The following COL5A1 variants were observed in gnomAD, a reference collection of about 807,000 sequenced individuals.
The protein encoded by COL5A1 is collagen type V alpha 1 chain.
In COL5A1, 16 loss-of-function variants were observed where a neutral mutation model predicts 263.7. The observed-to-expected ratio is 0.06, with a 90% confidence interval of 0.04 to 0.09. The LOEUF is 0.09. Among genes scored for constraint, COL5A1 ranks in the 10% least tolerant of loss-of-function variants. The pLI, the probability that COL5A1 is intolerant of heterozygous loss-of-function variation, is 1.00. For missense variants in COL5A1, 2,036 were observed against 2,540.5 expected (o/e 0.80, Z 4.27); for synonymous variants, 1,012 against 1,004.5 (o/e 1.01, Z -0.14).
intron 64 of COL5A1, among the ~76,000 whole-genome samples, chr9:134,834,678 T>C (rs762494749): frequency 1.7e-4 from 26 of 152,120 alleles, no homozygotes; most frequent in Non-Finnish European, 3.1e-4. Flanking sequence ...CTGGGTAGGC[T>C]TCCTGGAGGA....
chr9:134,653,978 AAGTGTATAGGG>A (rs1564367164), intron 1 of COL5A1, among the ~76,000 whole-genome samples: 2 of 77,408 alleles, frequency 2.6e-5, no homozygotes, highest in Admixed American at 1.4e-4. Context: ...GTAGGGCTGG[AAGTGTATAGGG>A]CTGGTGTGTG....
chr9:134,801,047 A>G (rs1335838832), intron 37 of COL5A1, among the ~76,000 whole-genome samples: 3 of 152,214 alleles, frequency 2.0e-5, no homozygotes, highest in Non-Finnish European at 2.9e-5. Flanking sequence ...CTGGAAAAGA[A>G]GCTTATGTTG....
At chr9:134,697,945 G>A (rs901064538) in intron 2 of COL5A1, among the ~76,000 whole-genome samples, 1 of 152,276 alleles carries the variant, frequency 6.6e-6, no homozygotes, top group African/African-American at 2.4e-5. Context: ...TTAATCAGGC[G>A]TGGTGGTGTG....
intron 36 of COL5A1, 75 bp downstream of exon 36, chr9:134,796,976 C>T: frequency 1.4e-6 from 2 of 1,385,482 alleles, no homozygotes; most frequent in Non-Finnish European, 1.0e-6. Flanking sequence ...CAAAACCCGC[C>T]TGTTTTCTCT....
intron 32 of COL5A1, among the ~76,000 whole-genome samples, chr9:134,793,209 G>A (rs1205206450): frequency 6.6e-6 from 1 of 151,872 alleles, no homozygotes; most frequent in Non-Finnish European, 1.5e-5. Context: ...AGATGCACCT[G>A]CCCGAAAGTG....
chr9:134,693,475 G>C (rs1433753976), intron 2 of COL5A1, among the ~76,000 whole-genome samples: 1 of 152,108 alleles, frequency 6.6e-6, no homozygotes, highest in Non-Finnish European at 1.5e-5. Flanking sequence ...AGCTTACAGA[G>C]TAGAGTGGGT....
At chr9:134,706,152 C>T (rs4461973) in intron 4 of COL5A1, among the ~76,000 whole-genome samples, 74,678 of 151,996 alleles carry the variant, frequency 0.49, 18,716 homozygotes, top group Admixed American at 0.63. Flanking sequence ...GCGAGTATGC[C>T]GGAGCTGCCT....
intron 18 of COL5A1, among the ~76,000 whole-genome samples, chr9:134,760,887 A>G (rs376463975): frequency 7.3e-4 from 104 of 143,394 alleles, no homozygotes; most frequent in Middle Eastern, 4.1e-3. Context: ...ACGCATACAT[A>G]CCCACACACG....
Position 134,730,355 on chromosome 9 carries a change from G to A in COL5A1, c.1044G>A (p.Thr348=), listed in dbSNP as rs1246095864. The A allele has an allele frequency of 7.4e-6, 12 of 1,614,102 alleles. No individual in the cohort carries two copies. Among genetic ancestry groups the A allele is most frequent in the East Asian group, 2.2e-5 (1 of 44,894 alleles). The change falls in exon 7 of 66, where the codon ACG becomes ACA. Residue 348 remains threonine, a synonymous_variant. Coordinates refer to ENST00000371817, the MANE Select transcript of COL5A1 (RefSeq NM_000093.5). ...ACGTGCCCAGTGAGGACTACTACAC[G>A]CCCTCACCGTATGATGACCTCACCT... The part of the protein sequence containing the change: ...YDYVPSEDYY[T]PSPYDDLTYG...
chr9:134,752,771 C>T (rs1835831316), intron 14 of COL5A1, 126 bp downstream of exon 14: 9 of 744,232 alleles, frequency 1.2e-5, no homozygotes, highest in African/African-American at 3.4e-5. Flanking sequence ...GGTCCAGTGC[C>T]TGTTCCCAGG....
rs564375308 is a variant in COL5A1 at position 134,806,229 on chromosome 9, C to T, written c.3299C>T (p.Pro1100Leu). 6.0e-5 allele frequency: 93 copies of T among 1,550,586 alleles called. 2 individuals are homozygous for T. In the East Asian group the frequency reaches 1.2e-3, roughly 20 times the overall value. ...AGAGGTCCAGCTGGAGCCGCTGGGCCCATCGGAATTCCAGGGAGACCTGGG... is the reference window on the plus strand; with the variant it reads ...AGAGGTCCAGCTGGAGCCGCTGGGCTCATCGGAATTCCAGGGAGACCTGGG... ...GERGPAGAAG[P>L]IGIPGRPGPQ... is the part of the protein sequence containing the mutation. The change falls in exon 42 of 66, where the codon CCC (proline) becomes CTC (leucine). Residue 1100 changes from proline to leucine, a missense_variant. Coordinates refer to ENST00000371817, the MANE Select transcript of COL5A1 (RefSeq NM_000093.5).
chr9:134,798,927 A>G lies in COL5A1; in HGVS notation c.2952+466A>G, dbSNP rs1189816697. Among the ~76,000 whole-genome samples the G allele has an allele frequency of 6.6e-5, 10 of 152,324 alleles. No homozygotes were observed. In the South Asian group the frequency reaches 1.0e-3, roughly 16 times the overall value. ...CGTCATTCAGTCATTCGATGCTGCAATACTTCAAGAGGGCGGCTGTGGGCC... is the reference window on the plus strand; with the variant it reads ...CGTCATTCAGTCATTCGATGCTGCAGTACTTCAAGAGGGCGGCTGTGGGCC... On this transcript the variant is annotated intron_variant, in intron 37 of 65. Transcript: ENST00000371817.
At chr9:134,815,698 C>G in intron 51 of COL5A1, 69 bp downstream of exon 51, 2 of 1,535,254 alleles carry the variant, frequency 1.3e-6, no homozygotes, top group East Asian at 4.6e-5. Flanking sequence ...AGCCCCATTT[C>G]CCCTCTTTCT....
intron 7 of COL5A1, among the ~76,000 whole-genome samples, chr9:134,731,174 G>A (rs750551138): frequency 7.9e-5 from 12 of 152,224 alleles, no homozygotes; most frequent in Non-Finnish European, 1.2e-4. Flanking sequence ...AGACCCCTGC[G>A]TCTGCAGCAC....
chr9:134,828,799 T>G (rs1839431586), intron 63 of COL5A1, among the ~76,000 whole-genome samples: 1 of 141,386 alleles, frequency 7.1e-6, no homozygotes, highest in Non-Finnish European at 1.5e-5. Flanking sequence ...ACACAGACAT[T>G]ACACACAGAT....
At chr9:134,823,083 G>A in intron 60 of COL5A1, 50 bp downstream of exon 60, 1 of 1,603,756 alleles carries the variant, frequency 6.2e-7, no homozygotes, top group Non-Finnish European at 8.5e-7. Flanking sequence ...GTAGGGGAGG[G>A]CGACGGGTCC....
intron 64 of COL5A1, among the ~76,000 whole-genome samples, chr9:134,831,636 G>T (rs1178014778): frequency 6.6e-6 from 1 of 152,184 alleles, no homozygotes; most frequent in Non-Finnish European, 1.5e-5. Context: ...CAGTCTTGCG[G>T]GTAGTTACCG....
In COL5A1 at chr9:134,795,251, C is replaced by G. The variant is rs748505927; in HGVS notation, c.2746-11C>G. 16 of 1,613,802 alleles carry G rather than the reference C, an allele frequency of 9.9e-6. No individual in the cohort carries two copies. In the East Asian group the frequency reaches 3.6e-4, roughly 36 times the overall value. Reference sequence around the variant, plus strand: ...ACTTGAGCTGACCTTCCTTCTCTCCCATCTGTCCAGGGTCCGAGGGGTGAA... The same window carrying G: ...ACTTGAGCTGACCTTCCTTCTCTCCGATCTGTCCAGGGTCCGAGGGGTGAA... On this transcript the variant is annotated splice_polypyrimidine_tract_variant and intron_variant, in intron 33 of 65. Transcript: ENST00000371817.
intron 4 of COL5A1, among the ~76,000 whole-genome samples, chr9:134,718,798 G>A (rs988362882): frequency 1.3e-5 from 2 of 152,170 alleles, no homozygotes; most frequent in African/African-American, 4.8e-5. Flanking sequence ...CGAGAGTGGC[G>A]CTGCCTCTCA....
Sources: gnomAD v4.1 joint callset for allele counts (sites outside exome capture counted in the v4.1 genomes callset) on GRCh38, gnomAD v4.1.1 for gene constraint, MANE v1.5 for transcripts, NCBI Gene and HGNC (gene_info 2026-07-23, HGNC 2026-07-21) for gene names.